Variants in UBAC2 observed in about 807,000 individuals in gnomAD.
UBAC2 encodes the protein UBA domain containing 2, also known as ubiquitin-associated domain-containing protein 2.
A neutral mutation model predicts 44.0 loss-of-function variants in UBAC2; 26 were observed. The observed-to-expected ratio is 0.59, with a 90% CI of 0.43 to 0.82. UBAC2 has a LOEUF of 0.82. UBAC2 is among the 40% of genes least tolerant of loss of function. The pLI is 0.00. For synonymous variants in UBAC2, 155 were observed against 154.3 expected (o/e 1.00, Z -0.04); for missense variants, 329 against 419.4 (o/e 0.78, Z 1.88).
At chr13:99,310,629 A>G (rs2044399099) in intron 4 of UBAC2, among the ~76,000 whole-genome samples, 2 of 152,222 alleles carry the variant, frequency 1.3e-5, no homozygotes, top group Admixed American at 6.5e-5. Context: ...TGAAATGTGT[A>G]TGTGTGGCCT....
chr13:99,245,575 C>T (rs1055093102), intron 4 of UBAC2, among the ~76,000 whole-genome samples: 3 of 151,952 alleles, frequency 2.0e-5, no homozygotes, highest in African/African-American at 7.3e-5. Context: ...AAAAACAGGC[C>T]GGGCGCGGTG....
rs143052672 is a variant in UBAC2 at position 99,367,414 on chromosome 13, A to G, written c.808-373A>G. ...GCCTCGTCTCCATGCCTTCCTTCCT[A>G]TCACACCCTGCAAAGCCCTGAGCTC... On this transcript the variant is annotated intron_variant, in intron 7 of 8. Transcript: ENST00000403766. Among the ~76,000 whole-genome samples the G allele has an allele frequency of 3.1e-3, 466 of 152,320 alleles. 1 individual carries two copies. The highest frequency in any genetic ancestry group is 5.6e-3 in the Non-Finnish European group (379 of 68,022).
chr13:99,206,536 C>G (rs539250044), intron 1 of UBAC2, among the ~76,000 whole-genome samples: 4 of 152,292 alleles, frequency 2.6e-5, no homozygotes, highest in Non-Finnish European at 5.9e-5. Context: ...TGTATCAGCC[C>G]ATTTGTGGCA....
intron 4 of UBAC2, 135 bp downstream of exon 4, chr13:99,244,759 A>T: frequency 2.0e-6 from 1 of 507,918 alleles, no homozygotes. Flanking sequence ...ATATGTAAAA[A>T]GTCTAATCTA....
intron 4 of UBAC2, among the ~76,000 whole-genome samples, chr13:99,287,674 G>A (rs186268597): frequency 9.3e-5 from 12 of 128,442 alleles, no homozygotes; most frequent in Admixed American, 6.0e-4. Flanking sequence ...TGGTAGAGAC[G>A]AGGTTTCGCC....
chr13:99,343,497 C>T lies in UBAC2; in HGVS notation c.807+2932C>T, dbSNP rs542288217. 2.7e-4 allele frequency among the ~76,000 whole-genome samples: 41 copies of T among 152,346 alleles called. No homozygotes were observed. In the South Asian group the frequency reaches 5.0e-3, roughly 18 times the overall value. On this transcript the variant is annotated intron_variant, in intron 7 of 8. Coordinates refer to ENST00000403766, the MANE Select transcript of UBAC2 (RefSeq NM_001144072.2). ...TTCCCACCAGGCGCCTGTGAAGTGG[C>T]ACAGGCCTTTATGGCTGTCTACACT...
At chr13:99,227,053 C>A (rs963966943) in intron 1 of UBAC2, among the ~76,000 whole-genome samples, 4 of 152,068 alleles carry the variant, frequency 2.6e-5, no homozygotes, top group African/African-American at 9.7e-5. Context: ...ACAAAATTAG[C>A]CAGTTGTGGT....
intron 7 of UBAC2, among the ~76,000 whole-genome samples, chr13:99,349,257 C>G (rs1229252141): frequency 6.6e-6 from 1 of 152,226 alleles, no homozygotes; most frequent in Non-Finnish European, 1.5e-5. Context: ...GCTCTGTGTG[C>G]TGTGATGAGA....
chr13:99,354,570 G>T (rs1024343929), intron 7 of UBAC2, among the ~76,000 whole-genome samples: 7 of 152,200 alleles, frequency 4.6e-5, no homozygotes, highest in Non-Finnish European at 7.3e-5. Flanking sequence ...TGGGAAACAG[G>T]AGTTGGGCCC....
chr13:99,340,046 A>G (rs544213747), intron 6 of UBAC2, among the ~76,000 whole-genome samples: 20 of 152,324 alleles, frequency 1.3e-4, no homozygotes, highest in South Asian at 1.0e-3. Context: ...TGTCTTGACA[A>G]TCTTTTACCA....
intron 1 of UBAC2, 192 bp downstream of exon 1, chr13:99,201,131 G>A: frequency 1.5e-6 from 2 of 1,357,332 alleles, no homozygotes; most frequent in Non-Finnish European, 1.9e-6. Context: ...GGCCTGGAGG[G>A]GCGAATGGGG....
chr13:99,244,002 T>C, intron 3 of UBAC2, 51 bp downstream of exon 3: 1 of 1,421,946 alleles, frequency 7.0e-7, no homozygotes, highest in South Asian at 1.4e-5. Context: ...GAAAAAAATT[T>C]TGTTTAAATG....
intron 4 of UBAC2, among the ~76,000 whole-genome samples, chr13:99,292,505 T>A (rs2044104343): frequency 6.6e-6 from 1 of 152,262 alleles, no homozygotes; most frequent in East Asian, 1.9e-4. Context: ...TAGGTTTCTT[T>A]ATAAAGTATG....
chr13:99,263,396 G>T (rs1239611615), intron 4 of UBAC2, among the ~76,000 whole-genome samples: 1 of 152,116 alleles, frequency 6.6e-6, no homozygotes, highest in African/African-American at 2.4e-5. Flanking sequence ...TCAGCAACAT[G>T]TAAATCTGCT....
intron 1 of UBAC2, among the ~76,000 whole-genome samples, chr13:99,235,452 CA>C (rs1448667598): frequency 7.2e-5 from 11 of 152,048 alleles, no homozygotes; most frequent in Non-Finnish European, 1.5e-4. Flanking sequence ...TATGGAAACA[CA>C]AAAGATTCTG....
chr13:99,234,939 T>C (rs2142718267), intron 1 of UBAC2, among the ~76,000 whole-genome samples: 1 of 152,380 alleles, frequency 6.6e-6, no homozygotes, highest in South Asian at 2.1e-4. Flanking sequence ...CTTCTTTTTT[T>C]CTCTCATATC....
intron 4 of UBAC2, among the ~76,000 whole-genome samples, chr13:99,257,004 C>A (rs2043573510): frequency 6.6e-6 from 1 of 152,142 alleles, no homozygotes; most frequent in Non-Finnish European, 1.5e-5. Context: ...TCAGTGGCAT[C>A]ACGGGCTATT....
At chr13:99,222,901 T>C (rs2043066263) in intron 1 of UBAC2, among the ~76,000 whole-genome samples, 1 of 152,216 alleles carries the variant, frequency 6.6e-6, no homozygotes, top group Non-Finnish European at 1.5e-5. Flanking sequence ...TTTTCTGTGT[T>C]GTAACAGAGT....
chr13:99,215,677 ACTGCAAGCCGG>A (rs1206420640), intron 1 of UBAC2: 56 of 1,486,646 alleles, frequency 3.8e-5, no homozygotes, highest in Admixed American at 2.1e-5. Context: ...CCCTCTGGGA[ACTGCAAGCCGG>A]CTCTCTGCGA....
Sources: allele counts gnomAD v4.1 joint callset (sites outside exome capture counted in the v4.1 genomes callset), GRCh38; gene constraint gnomAD v4.1.1; transcripts MANE v1.5; gene names NCBI Gene and HGNC (gene_info 2026-07-23, HGNC 2026-07-21).